Variants in BCAR3 observed in about 807,000 individuals in gnomAD.
BCAR3 encodes the protein BCAR3 adaptor protein, NSP family member.
In BCAR3, 37 loss-of-function variants were observed where a neutral mutation model predicts 80.1. The ratio of observed to expected loss-of-function variants is 0.46; its 90% CI spans 0.36 to 0.61. BCAR3 has a LOEUF of 0.61. Among genes scored for constraint, BCAR3 ranks in the 20% least tolerant of loss-of-function variants. BCAR3 has a pLI of 0.00. For synonymous variants in BCAR3, 389 were observed against 418.9 expected, an observed-to-expected ratio of 0.93 and a Z score of 0.87; for missense variants, 978 against 1,068.2, an observed-to-expected ratio of 0.92 and a Z score of 1.18.
chr1:93,728,067 C>G (rs775128886), intron 2 of BCAR3, among the ~76,000 whole-genome samples: 21 of 152,220 alleles, frequency 1.4e-4, no homozygotes, highest in Non-Finnish European at 2.6e-4. Context: ...GGATTCTCCC[C>G]TCTACCCTCC....
chr1:93,596,985 C>T (rs2101858995), intron 3 of BCAR3, among the ~76,000 whole-genome samples: 1 of 152,292 alleles, frequency 6.6e-6, no homozygotes, highest in South Asian at 2.1e-4. Flanking sequence ...ATTCTAGGGA[C>T]CAAATCTACC....
intron 7 of BCAR3, 104 bp downstream of exon 7, chr1:93,582,197 G>GGATC (rs1263978399): frequency 2.0e-5 from 29 of 1,416,172 alleles, no homozygotes; most frequent in South Asian, 1.8e-4. Flanking sequence ...GAGGCCAGAT[G>GGATC]GATCCCCTCC....
Position 93,607,040 on chromosome 1 carries a change from G to T in BCAR3, c.358-14647C>A, listed in dbSNP as rs962869512. ...GTAAAGACTGTGTTAACTTACAAGT[G>T]AGAGTTTATGCATGTATGATATACA... On this transcript the variant is annotated intron_variant, in intron 3 of 11. Coordinates refer to ENST00000260502, the MANE Select transcript of BCAR3 (RefSeq NM_003567.4). Among the ~76,000 whole-genome samples the T allele has an allele frequency of 5.3e-5, 8 of 152,188 alleles. No homozygotes were observed. The East Asian group carries it at 1.5e-3, about 29-fold the overall frequency.
chr1:93,688,900 G>T (rs367828211), intron 3 of BCAR3, among the ~76,000 whole-genome samples: 1 of 152,130 alleles, frequency 6.6e-6, no homozygotes, highest in African/African-American at 2.4e-5. Context: ...GCCTCCCAAA[G>T]TGCTGGGATT....
At chr1:93,750,913 A>T (rs1042258330) in intron 2 of BCAR3, among the ~76,000 whole-genome samples, 1 of 152,174 alleles carries the variant, frequency 6.6e-6, no homozygotes, top group Non-Finnish European at 1.5e-5. Flanking sequence ...GCCATTTCTG[A>T]ATTTCTGACC....
At chr1:93,567,151 A>AAATGGAATTCCATTCTTTAAT in intron 11 of BCAR3, 128 bp downstream of exon 11, 7 of 1,162,510 alleles carry the variant, frequency 6.0e-6, no homozygotes, top group Non-Finnish European at 7.2e-6. Context: ...GCCATATAGG[A>AAATGGAATTCCATTCTTTAAT]AATGGAATTC....
intron 3 of BCAR3, among the ~76,000 whole-genome samples, chr1:93,621,441 T>G (rs573829731): frequency 6.6e-6 from 1 of 152,206 alleles, no homozygotes; most frequent in East Asian, 1.9e-4. Context: ...ACCAAAAAAT[T>G]CCTTCTGATC....
chr1:93,571,614 G>A (rs1673219573), intron 9 of BCAR3, 56 bp downstream of exon 9: 2 of 1,594,828 alleles, frequency 1.3e-6, no homozygotes, highest in Admixed American at 1.7e-5. Flanking sequence ...TGCCAAACAT[G>A]GCATGCAGAT....
intron 3 of BCAR3, among the ~76,000 whole-genome samples, chr1:93,700,788 A>T (rs1649613184): frequency 6.6e-6 from 1 of 152,244 alleles, no homozygotes; most frequent in Non-Finnish European, 1.5e-5. Context: ...CTTTCAGCGG[A>T]ATTCCACAGG....
intron 2 of BCAR3, among the ~76,000 whole-genome samples, chr1:93,671,006 T>G (rs1430589866): frequency 2.6e-5 from 4 of 152,198 alleles, no homozygotes; most frequent in Non-Finnish European, 5.9e-5. Context: ...TTATTATTAT[T>G]TTTTGAAATG....
At chr1:93,847,739 AC>A, upstream of BCAR3, 1 of 150,190 alleles carries the variant, frequency 6.7e-6, no homozygotes, top group Non-Finnish European at 1.5e-5. Context: ...AAACGGTTTA[AC>A]TTCTCTCTCA....
At chr1:93,590,373 T>C (rs1277989744) in intron 4 of BCAR3, 2 of 152,208 alleles carry the variant, frequency 1.3e-5, no homozygotes, top group Middle Eastern at 3.2e-3. Flanking sequence ...GGCTCACTTA[T>C]ATCATCTGAA....
chr1:93,786,164 G>A (rs1652932570), intron 2 of BCAR3, among the ~76,000 whole-genome samples: 1 of 103,566 alleles, frequency 9.7e-6, no homozygotes, highest in Non-Finnish European at 1.7e-5. Context: ...CTGCACTCCC[G>A]CCTGGGCGTC....
chr1:93,755,668 A>C (rs1410385247), intron 2 of BCAR3, among the ~76,000 whole-genome samples: 1 of 152,148 alleles, frequency 6.6e-6, no homozygotes, highest in Non-Finnish European at 1.5e-5. Flanking sequence ...GCACAATGAT[A>C]AAATCACCTA....
chr1:93,809,635 G>A (rs995821714), intron 2 of BCAR3, among the ~76,000 whole-genome samples: 1 of 152,030 alleles, frequency 6.6e-6, no homozygotes, highest in African/African-American at 2.4e-5. Flanking sequence ...GGGCGTGGCT[G>A]TGGGTGCCTG....
At chr1:93,713,975 T>G (rs981462505) in intron 2 of BCAR3, among the ~76,000 whole-genome samples, 1 of 152,162 alleles carries the variant, frequency 6.6e-6, no homozygotes. Context: ...AGAAAGACAA[T>G]TTTTATAGAT....
intron 2 of BCAR3, among the ~76,000 whole-genome samples, chr1:93,711,828 G>C (rs1482344751): frequency 3.3e-5 from 5 of 152,136 alleles, no homozygotes; most frequent in African/African-American, 1.2e-4. Context: ...CAAGAATCCT[G>C]TCTTATTCAT....
At chr1:93,733,137 TA>T (rs34182495) in intron 2 of BCAR3, among the ~76,000 whole-genome samples, 1 of 151,848 alleles carries the variant, frequency 6.6e-6, no homozygotes, top group African/African-American at 2.4e-5. Flanking sequence ...TTTCTTTTTT[TA>T]AAAAAAAGTC....
In BCAR3 at chr1:93,578,532, G is replaced by A. The variant is rs145000931; in HGVS notation, c.1687-2403C>T. On this transcript the variant is annotated intron_variant, in intron 7 of 11. Coordinates refer to ENST00000260502, the MANE Select transcript of BCAR3 (RefSeq NM_003567.4). ...TGTCTGTGCATGTGCGTTGCCTGCCGTCTGCAAGATGCTTTTGGTGTTCAT... is the reference window on the plus strand; with the variant it reads ...TGTCTGTGCATGTGCGTTGCCTGCCATCTGCAAGATGCTTTTGGTGTTCAT... Among the ~76,000 whole-genome samples, 61 of 152,270 alleles carry A rather than the reference G, an allele frequency of 4.0e-4. No homozygotes were observed. The East Asian group carries it at 7.9e-3, about 20-fold the overall frequency.
Sources: gnomAD v4.1 joint callset for allele counts (sites outside exome capture counted in the v4.1 genomes callset) on GRCh38, gnomAD v4.1.1 for gene constraint, MANE v1.5 for transcripts, NCBI Gene and HGNC (gene_info 2026-07-23, HGNC 2026-07-21) for gene names.